The following ASTN2 variants were observed in gnomAD, a reference collection of about 807,000 sequenced individuals.
ASTN2 encodes astrotactin 2.
A neutral mutation model predicts 139.8 loss-of-function variants in ASTN2; 54 were observed. The ratio of observed to expected loss-of-function variants is 0.39; its 90% CI spans 0.31 to 0.48. ASTN2 has a LOEUF of 0.48. Among genes scored for constraint, ASTN2 ranks in the 20% least tolerant of loss-of-function variants. The pLI, the probability that ASTN2 is intolerant of heterozygous loss-of-function variation, is 0.95. For synonymous variants in ASTN2, 756 were observed against 719.5 expected, an observed-to-expected ratio of 1.05 and a Z score of -0.81; for missense variants, 1,565 against 1,725.1, an observed-to-expected ratio of 0.91 and a Z score of 1.64.
chr9:116,466,800 CT>C (rs928065988), intron 20 of ASTN2, among the ~76,000 whole-genome samples: 7 of 151,968 alleles, frequency 4.6e-5, no homozygotes, highest in South Asian at 4.2e-4. Flanking sequence ...TTCTCCCAAG[CT>C]TTTTTTTCTC....
At chr9:117,149,450 T>C (rs1400371401) in intron 3 of ASTN2, among the ~76,000 whole-genome samples, 1 of 152,074 alleles carries the variant, frequency 6.6e-6, no homozygotes, top group Non-Finnish European at 1.5e-5. Flanking sequence ...TGTGTGTGTA[T>C]GTGTTCATGT....
In ASTN2 at chr9:117,414,477, G is replaced by T. The variant is rs1365374873; in HGVS notation, c.442+20C>A. 6.2e-7 allele frequency: 1 copy of T among 1,606,342 alleles called. No individual in the cohort carries two copies. The highest frequency in any genetic ancestry group is 8.5e-7 in the Non-Finnish European group (1 of 1,176,834). On this transcript the variant is annotated intron_variant, in intron 1 of 22. Coordinates refer to ENST00000313400, the MANE Select transcript of ASTN2 (RefSeq NM_001365068.1). This position sits in a 1 kb window ranked among gnomAD's most constrained non-coding sequence, Gnocchi z 4.2. ...CTCGGGGTTCCTTGGGATCTAGCGC[G>T]TGCCGGCGCCCAGCCTTACCCAGGG...
intron 13 of ASTN2, among the ~76,000 whole-genome samples, chr9:116,765,564 G>T (rs1318418544): frequency 6.6e-6 from 1 of 152,138 alleles, no homozygotes; most frequent in African/African-American, 2.4e-5. Flanking sequence ...TTACAAGGAT[G>T]CTTACTGCAA....
At chr9:116,925,713 G>C (rs984486488) in intron 10 of ASTN2, among the ~76,000 whole-genome samples, 2 of 151,436 alleles carry the variant, frequency 1.3e-5, no homozygotes, top group African/African-American at 4.9e-5. Context: ...TGGGGGGTGG[G>C]GGGATGAACA....
At chr9:116,511,189 CTTA>C (rs1461161013) in intron 19 of ASTN2, among the ~76,000 whole-genome samples, 1 of 152,030 alleles carries the variant, frequency 6.6e-6, no homozygotes, top group East Asian at 1.9e-4. Context: ...CAATACCTAA[CTTA>C]TTGAGAGTTT....
intron 17 of ASTN2, among the ~76,000 whole-genome samples, chr9:116,644,888 C>A (rs998499285): frequency 6.6e-6 from 1 of 152,082 alleles, no homozygotes; most frequent in Non-Finnish European, 1.5e-5. Context: ...CCAAAGGGGA[C>A]CTTGGATGAA....
chr9:116,990,361 G>A (rs112683450), intron 7 of ASTN2, among the ~76,000 whole-genome samples: 1 of 29,026 alleles, frequency 3.4e-5, no homozygotes, highest in Non-Finnish European at 4.1e-4. Context: ...CTGCCTCTTG[G>A]GTTCAAGCGA....
chr9:117,170,281 A>G (rs1030686074), intron 3 of ASTN2, among the ~76,000 whole-genome samples: 3 of 152,116 alleles, frequency 2.0e-5, no homozygotes, highest in South Asian at 2.1e-4. Context: ...ATGTGCTTGT[A>G]TATCATTGAC....
chr9:117,205,717 A>C (rs1831896941), intron 3 of ASTN2, among the ~76,000 whole-genome samples: 1 of 152,224 alleles, frequency 6.6e-6, no homozygotes, highest in African/African-American at 2.4e-5. Flanking sequence ...AAACTAAAAA[A>C]TAAGGCTTTC....
intron 5 of ASTN2, among the ~76,000 whole-genome samples, chr9:117,081,722 T>A (rs542720089): frequency 0.01 from 1,572 of 152,298 alleles, 29 homozygotes; most frequent in African/African-American, 0.036. Context: ...TGTGATGATC[T>A]CCTGCTGGCC....
chr9:116,673,249 G>A lies in ASTN2; in HGVS notation c.2807-21456C>T, dbSNP rs572280333. On this transcript the variant is annotated intron_variant, in intron 16 of 22. Transcript: ENST00000313400. ...ATTCCATTCATTCCTTCCTTGCTTT[G>A]TTTGTGGGTTTTGTCCAATTCTTTG... 3.1e-3 allele frequency among the ~76,000 whole-genome samples: 476 copies of A among 152,174 alleles called. 4 individuals are homozygous for A. Among genetic ancestry groups the A allele is most frequent in the African/African-American group, 9.5e-3 (396 of 41,526 alleles).
intron 4 of ASTN2, among the ~76,000 whole-genome samples, chr9:117,097,258 T>C (rs1182367618): frequency 6.6e-6 from 1 of 152,202 alleles, no homozygotes; most frequent in Admixed American, 6.5e-5. Context: ...TGCATTCATA[T>C]GCTGTGAACA....
chr9:116,837,435 C>A (rs1318224532), intron 11 of ASTN2, among the ~76,000 whole-genome samples: 2 of 152,256 alleles, frequency 1.3e-5, no homozygotes, highest in Admixed American at 6.5e-5. Flanking sequence ...GAGGAAGATG[C>A]CTGGAGGATT....
Position 116,425,316 on chromosome 9 carries a change from A to T in ASTN2, c.*535T>A, listed in dbSNP as rs1314291196. 2.6e-5 allele frequency: 13 copies of T among 495,650 alleles called. No homozygotes were observed. Among genetic ancestry groups the T allele is most frequent in the Admixed American group, 2.0e-4 (5 of 25,106 alleles). The allele number at this position is 495,650 out of a possible 1,614,324, so 30.7% of individuals were successfully genotyped here. A position where few individuals can be genotyped will look rare whatever the true frequency, so the allele number is the denominator to read the frequency against. On this transcript the variant is annotated 3_prime_UTR_variant, in exon 23 of 23. Coordinates refer to ENST00000313400, the MANE Select transcript of ASTN2 (RefSeq NM_001365068.1). ...TAGCAGGAAGAGGCAGGGTCCCACAAACTCAATAATGTCCAGCAAAAAAGA... is the reference window on the plus strand; with the variant it reads ...TAGCAGGAAGAGGCAGGGTCCCACATACTCAATAATGTCCAGCAAAAAAGA...
At chr9:117,266,331 C>G (rs569602637) in intron 2 of ASTN2, among the ~76,000 whole-genome samples, 19 of 152,142 alleles carry the variant, frequency 1.2e-4, no homozygotes, top group African/African-American at 4.1e-4. Flanking sequence ...CACACACACA[C>G]AAAAACATAC....
In ASTN2 at chr9:116,632,240, A is replaced by AGAAG. The variant is rs1564169269; in HGVS notation, c.3073-11798_3073-11797insCTTC. On this transcript the variant is annotated intron_variant, in intron 17 of 22. Coordinates refer to ENST00000313400, the MANE Select transcript of ASTN2 (RefSeq NM_001365068.1). ...AAGAAAGAAAGAAAGAAAGAAAGAAAGAAAGAAAGAAGGAAAGAAAGAAAG... is the reference window on the plus strand; with the variant it reads ...AAGAAAGAAAGAAAGAAAGAAAGAAAGAAGGAAAGAAAGAAGGAAAGAAAGAAAG... 2.2e-3 allele frequency among the ~76,000 whole-genome samples: 291 copies of AGAAG among 131,528 alleles called. 3 individuals carry two copies. The highest frequency in any genetic ancestry group is 4.7e-3 in the African/African-American group (139 of 29,564). 86.3% of individuals were successfully genotyped at this position (131,528 alleles called of 152,430 possible). A position where few individuals can be genotyped will look rare whatever the true frequency, so the allele number is the denominator to read the frequency against.
At chr9:116,653,096 C>T (rs950028503) in intron 16 of ASTN2, among the ~76,000 whole-genome samples, 4 of 152,210 alleles carry the variant, frequency 2.6e-5, no homozygotes, top group Non-Finnish European at 4.4e-5. Context: ...ATTATCAACT[C>T]TTGGAGATCA....
chr9:117,101,974 T>A (rs1828989743), intron 4 of ASTN2, among the ~76,000 whole-genome samples: 2 of 152,168 alleles, frequency 1.3e-5, no homozygotes, highest in Non-Finnish European at 2.9e-5. Flanking sequence ...ACTTTGGTGG[T>A]TCCTTAAGAA....
intron 6 of ASTN2, among the ~76,000 whole-genome samples, chr9:117,025,377 G>T (rs1021245191): frequency 2.0e-5 from 3 of 152,144 alleles, no homozygotes; most frequent in African/African-American, 7.2e-5. Context: ...GGTAGCAGAA[G>T]CTGCCATCTT....
Sources: allele counts gnomAD v4.1 joint callset (sites outside exome capture counted in the v4.1 genomes callset), GRCh38; gene constraint gnomAD v4.1.1; non-coding constraint Gnocchi (gnomAD v3.1); transcripts MANE v1.5; gene names NCBI Gene and HGNC (gene_info 2026-07-23, HGNC 2026-07-21).